Variants in IQCE observed in about 807,000 individuals in gnomAD.
IQCE encodes the protein IQ motif containing E.
In IQCE, 115 loss-of-function variants were observed where a neutral mutation model predicts 96.0. The ratio of observed to expected loss-of-function variants is 1.20; its 90% confidence interval spans 1.03 to 1.40. The LOEUF (loss-of-function observed/expected upper bound fraction) is 1.40. IQCE is among the 40% of genes most tolerant of loss of function. The pLI is 0.00. For missense variants in IQCE, 1,041 were observed against 909.1 expected (o/e 1.15, Z -1.87); for synonymous variants, 412 against 371.2 (o/e 1.11, Z -1.26).
intron 14 of IQCE, among the ~76,000 whole-genome samples, chr7:2,590,362 A>G (rs4719590): frequency 0.48 from 40,119 of 84,160 alleles, 11,254 homozygotes; most frequent in Admixed American, 0.54. Flanking sequence ...GGGTTAAACA[A>G]TTGTCAATTT....
chr7:2,568,866 C>T (rs1299228601), intron 2 of IQCE, 88 bp from the exon 3 acceptor site: 1 of 1,253,932 alleles, frequency 8.0e-7, no homozygotes, highest in Non-Finnish European at 1.2e-6. Context: ...TCTTACACGA[C>T]CCCTGACCCT....
Position 2,572,123 on chromosome 7 carries a change from A to G in IQCE, c.260-69A>G, listed in dbSNP as rs1359180544. The stretch of plus-strand genomic sequence containing the variant: ...AGCTTTCTTCAATCCAGGAAAGTTG[A>G]TTAGAAACAAAACCTCCCATTGTGT... On this transcript the variant is annotated intron_variant, in intron 4 of 21. Transcript: ENST00000402050. 10 of 1,506,898 alleles carry G rather than the reference A, an allele frequency of 6.6e-6. No individual in the cohort carries two copies. In the Admixed American group the frequency reaches 2.0e-4, roughly 31 times the overall value. 93.3% of individuals were successfully genotyped at this position (1,506,898 alleles called of 1,614,324 possible).
At chr7:2,563,918 T>G (rs1781169136) in intron 1 of IQCE, among the ~76,000 whole-genome samples, 3 of 136,534 alleles carry the variant, frequency 2.2e-5, no homozygotes, top group African/African-American at 8.5e-5. Flanking sequence ...AAAAAAAAAT[T>G]TCACTCATCA....
intron 21 of IQCE, 106 bp downstream of exon 21, chr7:2,607,333 G>C: frequency 4.0e-6 from 6 of 1,510,984 alleles, no homozygotes; most frequent in Non-Finnish European, 5.3e-6. Context: ...GGACGGAAGG[G>C]AGGAGTGTCC....
At chr7:2,579,482 A>G (rs1469966693) in intron 8 of IQCE, among the ~76,000 whole-genome samples, 1 of 152,220 alleles carries the variant, frequency 6.6e-6, no homozygotes, top group Non-Finnish European at 1.5e-5. Flanking sequence ...TTTAGAAAAT[A>G]CAAAAAAAAC....
intron 3 of IQCE, among the ~76,000 whole-genome samples, chr7:2,569,496 C>T (rs978905379): frequency 1.1e-4 from 17 of 152,134 alleles, no homozygotes; most frequent in Non-Finnish European, 2.4e-4. Flanking sequence ...CTTCCTCACC[C>T]TCAGCAGGAG....
At chr7:2,560,010 T>G (rs1193517867) in intron 1 of IQCE, among the ~76,000 whole-genome samples, 1 of 151,904 alleles carries the variant, frequency 6.6e-6, no homozygotes, top group East Asian at 1.9e-4. Flanking sequence ...AACCATCACA[T>G]TAGCCGAGCT....
chr7:2,571,353 G>A, intron 3 of IQCE, 173 bp from the exon 4 acceptor site: 1 of 746,554 alleles, frequency 1.3e-6, no homozygotes, highest in Non-Finnish European at 2.2e-6. Context: ...AAAGTTAAAG[G>A]AGAAATGTCA....
chr7:2,560,398 G>A (rs1176255058), intron 1 of IQCE, among the ~76,000 whole-genome samples: 1 of 152,210 alleles, frequency 6.6e-6, no homozygotes, highest in African/African-American at 2.4e-5. Context: ...CACATCAAGG[G>A]AACTGTGCTC....
intron 18 of IQCE, chr7:2,601,684 G>C: frequency 2.0e-6 from 1 of 498,392 alleles, no homozygotes; most frequent in Non-Finnish European, 3.6e-6. Context: ...CTAGTAGCTG[G>C]GATTACAGGG....
intron 16 of IQCE, 190 bp from the exon 17 acceptor site, chr7:2,598,273 GTC>G: frequency 1.9e-6 from 1 of 528,134 alleles, no homozygotes; most frequent in Non-Finnish European, 3.3e-6. Context: ...CCTAGACGCT[GTC>G]TCTCAGCAGT....
intron 1 of IQCE, among the ~76,000 whole-genome samples, chr7:2,561,307 A>G (rs1780936277): frequency 6.6e-6 from 1 of 152,164 alleles, no homozygotes; most frequent in African/African-American, 2.4e-5. Context: ...TTTTCAATGT[A>G]CAAAGCCTAT....
chr7:2,580,246 C>CT (rs1324631637), intron 8 of IQCE: 1 of 149,986 alleles, frequency 6.7e-6, no homozygotes, highest in East Asian at 2.0e-4. Context: ...TGGGCTACAA[C>CT]TTAAGTATGT....
intron 15 of IQCE, 114 bp downstream of exon 15, chr7:2,593,240 A>C: frequency 7.1e-7 from 1 of 1,410,876 alleles, no homozygotes. Context: ...TAGAAAGGCC[A>C]CACCTCCTCA....
At position 2,598,462 on chromosome 7, in the gene IQCE, C is replaced by A; in HGVS notation, c.1441-3C>A. The A allele has an allele frequency of 6.4e-7, 1 of 1,563,448 alleles. No homozygotes were observed. The highest frequency in any genetic ancestry group is 1.2e-5 in the South Asian group (1 of 84,508). On this transcript the variant is annotated splice_polypyrimidine_tract_variant and splice_region_variant and intron_variant, in intron 16 of 21. Coordinates refer to ENST00000402050, the MANE Select transcript of IQCE (RefSeq NM_152558.5). ...GTCCTCTTACTCCTTCAATTTCCTG[C>A]AGGCCCAAGAGCTCCCAGCTCCCAC... is the stretch of plus-strand genomic sequence containing the variant.
intron 6 of IQCE, among the ~76,000 whole-genome samples, chr7:2,577,135 C>G (rs1782188402): frequency 6.6e-6 from 1 of 152,240 alleles, no homozygotes; most frequent in African/African-American, 2.4e-5. Context: ...ACACAGAGCC[C>G]TGAGTGGGAG....
chr7:2,575,850 C>T (rs1043030631), intron 6 of IQCE, among the ~76,000 whole-genome samples: 6 of 152,298 alleles, frequency 3.9e-5, no homozygotes, highest in Admixed American at 6.5e-5. Flanking sequence ...GCTGGCCCCC[C>T]GGCTCCCGGC....
Position 2,586,344 on chromosome 7 carries a change from A to C in IQCE, c.961A>C (p.Thr321Pro), listed in dbSNP as rs549595786. The C allele has an allele frequency of 9.3e-6, 15 of 1,613,108 alleles. No homozygotes were observed. In the African/African-American group the frequency reaches 2.0e-4, roughly 22 times the overall value. ...GGAGGACCTGGACCGCGTGCTGAGC[A>C]CCTCCCCAACCATCTCCAAGACACA... ...LKEDLDRVLS[T>P]SPTISKTQGY... Residue 321 changes from threonine to proline, a missense_variant, in exon 12 of 22, where the codon ACC (threonine) becomes CCC (proline). Physicochemically the swap from Thr to Pro is conservative, Grantham distance 38. Coordinates refer to ENST00000402050, the MANE Select transcript of IQCE (RefSeq NM_152558.5).
rs960497475 is a variant in IQCE, at chr7:2,564,147, G to C, written c.37-2969G>C. Among the ~76,000 whole-genome samples the C allele has an allele frequency of 2.0e-5, 3 of 152,106 alleles. No individual in the cohort carries two copies. In the East Asian group the frequency reaches 5.8e-4, roughly 29 times the overall value. On this transcript the variant is annotated intron_variant, in intron 1 of 21. Transcript: ENST00000402050. ...GAATTGCTTTAAGCTGGGAGGCGGA[G>C]GTTGTGGTGAGCCAAGATCATGCTA...
Sources: gnomAD v4.1 joint callset for allele counts (sites outside exome capture counted in the v4.1 genomes callset) on GRCh38, gnomAD v4.1.1 for gene constraint, MANE v1.5 for transcripts, NCBI Gene and HGNC (gene_info 2026-07-23, HGNC 2026-07-21) for gene names.